ADGRB1: variants seen among roughly 807,000 people sequenced by gnomAD.
The protein encoded by ADGRB1 is adhesion G protein-coupled receptor B1.
Under a neutral mutation model 175.7 loss-of-function variants are expected in ADGRB1, and 36 were observed. That is an observed-to-expected ratio of 0.20 (90% CI 0.16 to 0.27). The LOEUF (loss-of-function observed/expected upper bound fraction) is 0.27. ADGRB1 is among the 10% of genes least tolerant of loss of function. The pLI is 1.00. For synonymous variants in ADGRB1, 1,054 were observed against 979.4 expected (o/e 1.08, Z -1.42); for missense variants, 1,731 against 2,255.3 (o/e 0.77, Z 4.71).
intron 24 of ADGRB1, 36 bp from the exon 25 acceptor site, chr8:142,533,259 G>T (rs774883607): frequency 2.6e-6 from 3 of 1,142,060 alleles, no homozygotes; most frequent in Non-Finnish European, 2.4e-6. Context: ...TGGGGGCAGG[G>T]GCGGGGGCGG....
chr8:142,531,884 G>A (rs892775486), intron 24 of ADGRB1, among the ~76,000 whole-genome samples: 4 of 152,258 alleles, frequency 2.6e-5, no homozygotes, highest in Non-Finnish European at 2.9e-5. Flanking sequence ...GAGAGATGAC[G>A]ACACAGATAT....
intron 27 of ADGRB1, chr8:142,540,156 G>A (rs1195067855): frequency 6.6e-6 from 1 of 152,362 alleles, no homozygotes; most frequent in Non-Finnish European, 1.5e-5. Flanking sequence ...TGGTCATTTA[G>A]ATATTTGAAG....
rs567543255 is a variant in ADGRB1, at chr8:142,500,732, G to A, written c.2675+9917G>A. Among the ~76,000 whole-genome samples the A allele has an allele frequency of 8.6e-5, 13 of 151,212 alleles. No homozygotes were observed. In the South Asian group the frequency reaches 1.2e-3, roughly 14 times the overall value. On this transcript the variant is annotated intron_variant, in intron 17 of 30. Coordinates refer to ENST00000517894, the MANE Select transcript of ADGRB1 (RefSeq NM_001702.3). Reference sequence around the variant, plus strand: ...AGGCAGGATATGAGGTAGACAAAGGGAAGGACTTCCACGTGAGCAAGGAGG... The same window carrying A: ...AGGCAGGATATGAGGTAGACAAAGGAAAGGACTTCCACGTGAGCAAGGAGG...
In ADGRB1 at chr8:142,455,083, A is replaced by C. The variant is rs1380849622; in HGVS notation, c.-220+4979A>C. On this transcript the variant is annotated intron_variant, in intron 1 of 30. Coordinates refer to ENST00000517894, the MANE Select transcript of ADGRB1 (RefSeq NM_001702.3). The surrounding 1 kb of genome is among the most constrained non-coding windows in gnomAD (Gnocchi z 4.9). ...CCTCATATTTGACACCAGCACCCTCACTGCCCCCCTACCATCTCACCCCAC... is the reference window on the plus strand; with the variant it reads ...CCTCATATTTGACACCAGCACCCTCCCTGCCCCCCTACCATCTCACCCCAC... Among the ~76,000 whole-genome samples the C allele has an allele frequency of 3.4e-5, 5 of 145,692 alleles. No individual in the cohort carries two copies. Among genetic ancestry groups the C allele is most frequent in the Non-Finnish European group, 7.5e-5 (5 of 66,424 alleles).
intron 1 of ADGRB1, among the ~76,000 whole-genome samples, chr8:142,450,756 TG>T (rs1199177939): frequency 1.3e-5 from 2 of 152,130 alleles, no homozygotes; most frequent in African/African-American, 4.8e-5. Context: ...GGAGACTCCC[TG>T]GAGGTACTCT....
At chr8:142,465,658 C>T (rs1319512937) in intron 2 of ADGRB1, among the ~76,000 whole-genome samples, 2 of 152,150 alleles carry the variant, frequency 1.3e-5, no homozygotes, top group African/African-American at 2.4e-5. Context: ...AGCACGAAGA[C>T]ACGAGCAGCC....
In ADGRB1 at chr8:142,464,066, TC is replaced by T; in HGVS notation, c.-130del. On this transcript the variant is annotated 5_prime_UTR_variant, in exon 2 of 31. Transcript: ENST00000517894. ...CTCTGTCACCTGAAGCGGGGCCCTC[TC>T]CCATCCCACCCTTGCCCCGCCTCCC... 1 of 707,148 alleles carries T rather than the reference TC, an allele frequency of 1.4e-6. No homozygotes were observed. Among genetic ancestry groups the T allele is most frequent in the Non-Finnish European group, 1.9e-6 (1 of 519,200 alleles). The allele number at this position is 707,148 out of a possible 1,614,324, so 43.8% of individuals were successfully genotyped here. A position where few individuals can be genotyped will look rare whatever the true frequency, so the allele number is the denominator to read the frequency against.
At chr8:142,468,228 G>A (rs990597023) in intron 2 of ADGRB1, among the ~76,000 whole-genome samples, 12 of 150,034 alleles carry the variant, frequency 8.0e-5, no homozygotes, top group East Asian at 5.8e-4. Context: ...GTGTGTGTGC[G>A]TGTGCAGTAC....
chr8:142,528,754 C>A (rs1226705373), intron 24 of ADGRB1, among the ~76,000 whole-genome samples: 1 of 152,206 alleles, frequency 6.6e-6, no homozygotes, highest in Non-Finnish European at 1.5e-5. Context: ...TTTCTACCGT[C>A]CACTCTGGGT....
At chr8:142,501,124 G>A (rs944665611) in intron 17 of ADGRB1, among the ~76,000 whole-genome samples, 3 of 152,346 alleles carry the variant, frequency 2.0e-5, no homozygotes, top group South Asian at 2.1e-4. Flanking sequence ...TGTTGGAGAC[G>A]AGAATGATGA....
chr8:142,535,471 G>T (rs1844870413), intron 25 of ADGRB1, among the ~76,000 whole-genome samples: 1 of 152,212 alleles, frequency 6.6e-6, no homozygotes, highest in South Asian at 2.1e-4. Flanking sequence ...GTCCTGCCCA[G>T]AGATGGCTTC....
Position 142,536,971 on chromosome 8 carries a change from G to C in ADGRB1, c.3571-16G>C. 5.1e-6 allele frequency: 8 copies of C among 1,569,732 alleles called. No homozygotes were observed. The highest frequency in any genetic ancestry group is 6.9e-6 in the Non-Finnish European group (8 of 1,159,116). On this transcript the variant is annotated splice_polypyrimidine_tract_variant and intron_variant, in intron 25 of 30. Transcript: ENST00000517894. The stretch of plus-strand genomic sequence containing the variant: ...GGGCGTGGCTGCCACTGAGGTGCTC[G>C]GCTCTCCCTCCCCAGGTCCAGGACG...
intron 16 of ADGRB1, among the ~76,000 whole-genome samples, 197 bp from the exon 17 acceptor site, chr8:142,490,574 TG>T (rs1841934605): frequency 6.6e-6 from 1 of 152,214 alleles, no homozygotes; most frequent in South Asian, 2.1e-4. Flanking sequence ...GGTGGGGGCT[TG>T]TGCCAAGCCC....
At position 142,492,495 on chromosome 8, in the gene ADGRB1, G is replaced by C. The variant is rs138737774; in HGVS notation, c.2675+1680G>C. On this transcript the variant is annotated intron_variant, in intron 17 of 30. Transcript: ENST00000517894. The surrounding 1 kb of genome is among the most constrained non-coding windows in gnomAD (Gnocchi z 4.4). The stretch of plus-strand genomic sequence containing the variant: ...ATGCACGCCTCCGAGGGAAGGGGAG[G>C]TTTCGGCAGAGGCCTGGCAAGCACA... 6.6e-6 allele frequency among the ~76,000 whole-genome samples: 1 copy of C among 152,324 alleles called. No individual in the cohort carries two copies. The highest frequency in any genetic ancestry group is 1.5e-5 in the Non-Finnish European group (1 of 68,032).
intron 1 of ADGRB1, among the ~76,000 whole-genome samples, chr8:142,451,385 A>G (rs1164830897): frequency 6.6e-6 from 1 of 152,136 alleles, no homozygotes; most frequent in Non-Finnish European, 1.5e-5. Flanking sequence ...GCAGGCGCCT[A>G]GGCTGGGACC....
At chr8:142,469,598 TGC>T (rs1300595228) in intron 2 of ADGRB1, among the ~76,000 whole-genome samples, 4 of 148,588 alleles carry the variant, frequency 2.7e-5, no homozygotes, top group Non-Finnish European at 5.9e-5. Context: ...AATGTGTGTG[TGC>T]ACGTGCATGT....
chr8:142,543,698 C>G lies in ADGRB1; in HGVS notation c.4547C>G (p.Pro1516Arg). The G allele has an allele frequency of 9.6e-7, 1 of 1,036,816 alleles. No homozygotes were observed. Among genetic ancestry groups the G allele is most frequent in the Non-Finnish European group, 1.3e-6 (1 of 750,784 alleles). 64.2% of individuals were successfully genotyped at this position (1,036,816 alleles called of 1,614,324 possible). The change falls in exon 30 of 31, where the codon CCG becomes CGG. Residue 1516 changes from proline (P) to arginine (R), a missense_variant. By Grantham distance (103) the Pro-to-Arg change is moderately radical (BLOSUM62 -2). This residue lies in a region of ADGRB1 where 394 missense variants were observed against 410.2 expected (regional missense o/e 0.96). Coordinates refer to ENST00000517894, the MANE Select transcript of ADGRB1 (RefSeq NM_001702.3). This position sits in a 1 kb window ranked among gnomAD's most constrained non-coding sequence, Gnocchi z 4.4. ...GAGAAGGACAAGGAGGTGCTGGGGC[C>G]GGACAGCAAGGTCTGGAGGGCAGGG... ...AAEKDKEVLGPDSKPEKQQTP... is the reference protein window; with the variant it reads ...AAEKDKEVLGRDSKPEKQQTP...
At chr8:142,540,711 C>T (rs998028487) in intron 27 of ADGRB1, among the ~76,000 whole-genome samples, 5 of 150,890 alleles carry the variant, frequency 3.3e-5, no homozygotes, top group Non-Finnish European at 7.4e-5. Context: ...AGGGTCTGTG[C>T]GGGGTGGGGC....
chr8:142,475,896 C>CGGGTCTGGCCCGTGGGAGTG (rs1554606863), intron 3 of ADGRB1, among the ~76,000 whole-genome samples: 1 of 145,216 alleles, frequency 6.9e-6, no homozygotes, highest in African/African-American at 2.6e-5. Flanking sequence ...GACCTAAACT[C>CGGGTCTGGCCCGTGGGAGTG]GGGGCTGGCC....
Sources: allele counts gnomAD v4.1 joint callset (sites outside exome capture counted in the v4.1 genomes callset), GRCh38; gene constraint gnomAD v4.1.1; regional missense constraint gnomAD v4.1.1; non-coding constraint Gnocchi (gnomAD v3.1); transcripts MANE v1.5; gene names NCBI Gene and HGNC (gene_info 2026-07-23, HGNC 2026-07-21).